The following GSE1 variants were observed in gnomAD, a reference collection of about 807,000 sequenced individuals.
GSE1 encodes Gse1 coiled-coil protein.
GSE1 carries 32 observed loss-of-function variants against 112.6 expected under a neutral mutation model. The observed-to-expected ratio is 0.28, with a 90% confidence interval of 0.21 to 0.38. The LOEUF (loss-of-function observed/expected upper bound fraction) is 0.38, where lower values mean the gene tolerates loss of function less well. Among genes scored for constraint, GSE1 ranks in the 10% least tolerant of loss-of-function variants. The pLI, the probability that GSE1 is intolerant of heterozygous loss-of-function variation, is 1.00. For synonymous variants in GSE1, 1,115 were observed against 735.6 expected (o/e 1.52, Z -8.35); for missense variants, 2,348 against 1,699.2 (o/e 1.38, Z -6.71).
chr16:85,475,233 G>A (rs1038561859), intron 2 of GSE1, among the ~76,000 whole-genome samples: 2 of 152,160 alleles, frequency 1.3e-5, no homozygotes, highest in South Asian at 2.1e-4. Flanking sequence ...CCCACCTCCT[G>A]TAAACCAGGG....
intron 2 of GSE1, among the ~76,000 whole-genome samples, chr16:85,646,609 T>C (rs1405828723): frequency 2.6e-5 from 4 of 152,090 alleles, no homozygotes; most frequent in African/African-American, 4.8e-5. Context: ...GCCCTGGGCC[T>C]GTGTCAGGGA....
At chr16:85,387,988 G>GTGGA (rs749837064) in intron 2 of GSE1, among the ~76,000 whole-genome samples, 2 of 105,912 alleles carry the variant, frequency 1.9e-5, no homozygotes, top group Non-Finnish European at 2.0e-5. Flanking sequence ...GAGTGGATGG[G>GTGGA]TGGGTGGATG....
chr16:85,260,297 T>G (rs1907536852), intron 1 of GSE1, among the ~76,000 whole-genome samples: 2 of 151,322 alleles, frequency 1.3e-5, no homozygotes. Flanking sequence ...TCTTTTTTAT[T>G]TTTCCTTTTT....
chr16:85,461,886 G>A (rs2049978813), intron 2 of GSE1, among the ~76,000 whole-genome samples: 1 of 152,216 alleles, frequency 6.6e-6, no homozygotes, highest in East Asian at 1.9e-4. Flanking sequence ...CCTGAGAGCG[G>A]CAGGCAGCCC....
chr16:85,585,386 G>A (rs1485458948), intron 1 of GSE1, among the ~76,000 whole-genome samples: 1 of 152,230 alleles, frequency 6.6e-6, no homozygotes, highest in African/African-American at 2.4e-5. Context: ...GCAGCCGAGA[G>A]GGCATTTTCA....
intron 2 of GSE1, among the ~76,000 whole-genome samples, chr16:85,416,099 A>G (rs1400174372): frequency 2.6e-5 from 4 of 152,198 alleles, no homozygotes; most frequent in African/African-American, 9.6e-5. Flanking sequence ...CTTTTTATTC[A>G]TTAGACAGTG....
intron 1 of GSE1, among the ~76,000 whole-genome samples, chr16:85,628,854 G>A (rs973803063): frequency 1.2e-4 from 18 of 152,148 alleles, no homozygotes; most frequent in Admixed American, 8.5e-4. Flanking sequence ...TCTGGGACTC[G>A]CGCCATGGCC....
At chr16:85,636,520 G>A (rs2050011420) in intron 2 of GSE1, among the ~76,000 whole-genome samples, 1 of 152,208 alleles carries the variant, frequency 6.6e-6, no homozygotes, top group Non-Finnish European at 1.5e-5. Flanking sequence ...CCATTCTCAT[G>A]GAGTCACCCG....
chr16:85,263,030 A>G (rs1411756479), intron 1 of GSE1, among the ~76,000 whole-genome samples: 1 of 152,174 alleles, frequency 6.6e-6, no homozygotes, highest in Admixed American at 6.5e-5. Context: ...TAACACACGG[A>G]TCCCACAGAT....
At chr16:85,286,334 A>G (rs1023147725) in intron 1 of GSE1, among the ~76,000 whole-genome samples, 4 of 152,206 alleles carry the variant, frequency 2.6e-5, no homozygotes, top group Non-Finnish European at 4.4e-5. Flanking sequence ...ATTCGAGGGA[A>G]TGTATGACAA....
At chr16:85,642,370 G>A (rs901218215) in intron 2 of GSE1, among the ~76,000 whole-genome samples, 144 of 152,334 alleles carry the variant, frequency 9.5e-4, no homozygotes, top group African/African-American at 3.2e-3. Flanking sequence ...CAGAACTGAT[G>A]ACAGGAAGAG....
intron 1 of GSE1, among the ~76,000 whole-genome samples, chr16:85,331,807 C>A (rs1050493739): frequency 2.0e-5 from 3 of 150,106 alleles, no homozygotes; most frequent in Non-Finnish European, 3.0e-5. Context: ...CTCAGCCTCC[C>A]GAAGTGCTGG....
chr16:85,359,219 G>A (rs2047013919), intron 2 of GSE1: 1 of 362,700 alleles, frequency 2.8e-6, no homozygotes, highest in Non-Finnish European at 5.5e-6. Flanking sequence ...GTTCCCCTGT[G>A]CCTAGGGCAG....
chr16:85,334,670 AT>A (rs989435203), intron 1 of GSE1, among the ~76,000 whole-genome samples: 8 of 152,086 alleles, frequency 5.3e-5, no homozygotes, highest in African/African-American at 1.7e-4. Context: ...GAGGGAAGCC[AT>A]TTTTCTTCCC....
rs771783420 is a variant in GSE1, at chr16:85,672,714, A to G, written c.*175A>G. On this transcript the variant is annotated 3_prime_UTR_variant, in exon 16 of 16. Transcript: ENST00000253458. Reference sequence around the variant, plus strand: ...AATGAATGAACTCACCTTGACGTCAATGCAATTGAATCACCGTTGTCATTC... The same window carrying G: ...AATGAATGAACTCACCTTGACGTCAGTGCAATTGAATCACCGTTGTCATTC... 9.2e-6 allele frequency: 4 copies of G among 436,444 alleles called. No homozygotes were observed. The highest frequency in any genetic ancestry group is 2.0e-5 in the African/African-American group (1 of 50,488). 27.0% of individuals were successfully genotyped at this position (436,444 alleles called of 1,614,324 possible).
At chr16:85,476,911 C>T (rs1350876282) in intron 2 of GSE1, among the ~76,000 whole-genome samples, 1 of 148,858 alleles carries the variant, frequency 6.7e-6, no homozygotes, top group Admixed American at 6.7e-5. Context: ...CCATGCCTGG[C>T]ATCGTATGTG....
chr16:85,655,647 G>C (rs1042229449), intron 5 of GSE1, 79 bp from the exon 6 acceptor site: 1 of 906,142 alleles, frequency 1.1e-6, no homozygotes, highest in Non-Finnish European at 1.7e-6. Context: ...GTGTGTACCT[G>C]GCTGAGACAC....
intron 2 of GSE1, among the ~76,000 whole-genome samples, chr16:85,639,487 C>G (rs994791623): frequency 7.0e-6 from 1 of 143,516 alleles, no homozygotes; most frequent in Non-Finnish European, 1.6e-5. Context: ...CCCCTCTAAG[C>G]CTCCTGGGCG....
intron 1 of GSE1, among the ~76,000 whole-genome samples, chr16:85,605,390 G>C (rs1036094613): frequency 6.6e-6 from 1 of 152,044 alleles, no homozygotes; most frequent in Non-Finnish European, 1.5e-5. Flanking sequence ...CTGGTCTGGC[G>C]CCGAGAAGTG....
Sources: allele counts gnomAD v4.1 joint callset (sites outside exome capture counted in the v4.1 genomes callset), GRCh38; gene constraint gnomAD v4.1.1; transcripts MANE v1.5; gene names NCBI Gene and HGNC (gene_info 2026-07-23, HGNC 2026-07-21).